Variants in ATP13A5 observed in about 807,000 individuals in gnomAD.
ATP13A5 encodes probable cation-transporting ATPase 13A5.
In ATP13A5, 149 loss-of-function variants were observed where a neutral mutation model predicts 150.2. The observed-to-expected ratio is 0.99, with a 90% CI of 0.87 to 1.14. ATP13A5 has a LOEUF of 1.14. ATP13A5 is among the 50% of genes most tolerant of loss of function. ATP13A5 has a pLI of 0.00. For missense variants in ATP13A5, 1,383 were observed against 1,449.3 expected (o/e 0.95, Z 0.74); for synonymous variants, 497 against 522.2 (o/e 0.95, Z 0.66).
Position 193,275,293 on chromosome 3 carries a change from G to T in ATP13A5, c.3406C>A (p.Leu1136Ile). Residue 1136 changes from leucine to isoleucine, a missense_variant, in exon 30 of 30, where the codon CTT becomes ATT. Leu to Ile is a conservative substitution (Grantham distance 5). Coordinates refer to ENST00000342358, the MANE Select transcript of ATP13A5 (RefSeq NM_198505.4). ...AACAGCCAGAGTTCATGATTTTGAA[G>T]GATGGAATCCTGAAAAATCAGATGG... is the stretch of plus-strand genomic sequence containing the variant. Reference protein sequence around the residue: ...CVAFFVEDSILQNHELWLLIK... With the variant: ...CVAFFVEDSIIQNHELWLLIK... 1 of 1,613,010 alleles carries T rather than the reference G, an allele frequency of 6.2e-7. No individual in the cohort carries two copies.
chr3:193,324,802 C>T (rs750555302), intron 14 of ATP13A5, 62 bp downstream of exon 14: 8 of 1,560,520 alleles, frequency 5.1e-6, no homozygotes, highest in Admixed American at 3.6e-5. Flanking sequence ...ATTAGAAAAG[C>T]TTCAGCACTC....
chr3:193,280,170 C>T (rs1233268980), intron 27 of ATP13A5, among the ~76,000 whole-genome samples: 1 of 152,030 alleles, frequency 6.6e-6, no homozygotes, highest in African/African-American at 2.4e-5. Flanking sequence ...CCTGCTTCAG[C>T]CTCCCAAGTA....
At chr3:193,293,573 C>T (rs1371356725) in intron 25 of ATP13A5, among the ~76,000 whole-genome samples, 1 of 152,038 alleles carries the variant, frequency 6.6e-6, no homozygotes, top group Non-Finnish European at 1.5e-5. Flanking sequence ...GAAGACTTCG[C>T]AGTTTCAAAT....
intron 9 of ATP13A5, 22 bp downstream of exon 9, chr3:193,343,905 A>G (rs1712221211): frequency 6.2e-7 from 1 of 1,607,624 alleles, no homozygotes; most frequent in African/African-American, 1.3e-5. Context: ...AGGGAAGAGG[A>G]AGCTCCATGA....
intron 26 of ATP13A5, 108 bp from the exon 27 acceptor site, chr3:193,285,224 T>C: frequency 2.3e-6 from 2 of 858,568 alleles, no homozygotes; most frequent in Non-Finnish European, 3.6e-6. Context: ...TTTCAAACTA[T>C]GTCAGCCAGT....
At chr3:193,363,434 G>A in intron 2 of ATP13A5, 52 bp from the exon 3 acceptor site, 1 of 1,543,738 alleles carries the variant, frequency 6.5e-7, no homozygotes, top group Non-Finnish European at 8.8e-7. Context: ...TCAGTAAGGT[G>A]CTCAATCAAC....
chr3:193,310,490 G>A, intron 21 of ATP13A5, 148 bp downstream of exon 21: 2 of 610,920 alleles, frequency 3.3e-6, no homozygotes, highest in Non-Finnish European at 5.7e-6. Context: ...CACCAATAGT[G>A]TATAAGTGTT....
At chr3:193,321,597 C>T (rs1719279556) in intron 16 of ATP13A5, 84 bp downstream of exon 16, 3 of 1,497,950 alleles carry the variant, frequency 2.0e-6, no homozygotes, top group Non-Finnish European at 2.7e-6. Flanking sequence ...TGCCACTGCA[C>T]TCCAGCCTTG....
intron 22 of ATP13A5, chr3:193,306,995 C>T (rs1018738435): frequency 3.3e-6 from 2 of 602,792 alleles, no homozygotes; most frequent in African/African-American, 4.0e-5. Context: ...GAAGAAATCA[C>T]CTCCTTGAGA....
At chr3:193,356,407 C>T (rs887815418) in intron 5 of ATP13A5, among the ~76,000 whole-genome samples, 1 of 151,934 alleles carries the variant, frequency 6.6e-6, no homozygotes, top group African/African-American at 2.4e-5. Context: ...GGGTCAGCCT[C>T]ACTCTTCTCA....
intron 28 of ATP13A5, among the ~76,000 whole-genome samples, chr3:193,277,367 G>A (rs1279708134): frequency 6.6e-6 from 1 of 151,996 alleles, no homozygotes; most frequent in Non-Finnish European, 1.5e-5. Context: ...AAAATTTAAG[G>A]GTACACATTA....
intron 26 of ATP13A5, among the ~76,000 whole-genome samples, chr3:193,285,320 G>A (rs1996494): frequency 0.43 from 65,672 of 151,984 alleles, 15,262 homozygotes; most frequent in Non-Finnish European, 0.51. Context: ...CTGGCACTCC[G>A]TTTAGAACAA....
Position 193,351,108 on chromosome 3 carries a change from T to G in ATP13A5, c.700A>C (p.Thr234Pro). The stretch of plus-strand genomic sequence containing the variant: ...ACACTTAAGACAATGGAGATAACAG[T>G]CAAAATGATGATGGCCACAGAGTAT... ...IEYSVAIIIL[T>P]VISIVLSVYD... The change falls in exon 7 of 30, where the codon ACT becomes CCT. Residue 234 changes from threonine to proline, a missense_variant. Transcript: ENST00000342358. 6.2e-7 allele frequency: 1 copy of G among 1,613,692 alleles called. No individual in the cohort carries two copies. The highest frequency in any genetic ancestry group is 8.5e-7 in the Non-Finnish European group (1 of 1,179,726).
intron 1 of ATP13A5, among the ~76,000 whole-genome samples, chr3:193,376,361 A>C (rs1166396840): frequency 6.6e-6 from 1 of 152,030 alleles, no homozygotes; most frequent in Non-Finnish European, 1.5e-5. Context: ...GGGACAAGGG[A>C]GATCTCTAGG....
At chr3:193,290,923 T>C (rs1164746999) in intron 25 of ATP13A5, among the ~76,000 whole-genome samples, 1 of 152,166 alleles carries the variant, frequency 6.6e-6, no homozygotes, top group Non-Finnish European at 1.5e-5. Context: ...CATGTTTCAG[T>C]TCCTGTCTTC....
intron 16 of ATP13A5, among the ~76,000 whole-genome samples, chr3:193,319,781 A>G (rs1346711270): frequency 6.6e-6 from 1 of 152,200 alleles, no homozygotes; most frequent in African/African-American, 2.4e-5. Flanking sequence ...CAAAAAAACA[A>G]AACTAGGATG....
At chr3:193,316,363 T>G (rs531437468) in intron 17 of ATP13A5, among the ~76,000 whole-genome samples, 6 of 152,116 alleles carry the variant, frequency 3.9e-5, no homozygotes, top group African/African-American at 1.4e-4. Context: ...CACCTGGTGA[T>G]CCAATGTTTT....
intron 1 of ATP13A5, among the ~76,000 whole-genome samples, chr3:193,373,036 G>T (rs1351582103): frequency 2.0e-5 from 3 of 152,098 alleles, no homozygotes; most frequent in East Asian, 1.9e-4. Context: ...CCTTTGAGTG[G>T]TTTTTTTGAG....
intron 21 of ATP13A5, among the ~76,000 whole-genome samples, chr3:193,308,406 C>T (rs1718703581): frequency 1.3e-5 from 2 of 152,132 alleles, no homozygotes; most frequent in South Asian, 4.2e-4. Context: ...CTGCGGTGAG[C>T]CGATATTGCA....
Sources: gnomAD v4.1 joint callset for allele counts (sites outside exome capture counted in the v4.1 genomes callset) on GRCh38, gnomAD v4.1.1 for gene constraint, MANE v1.5 for transcripts, NCBI Gene and HGNC (gene_info 2026-07-23, HGNC 2026-07-21) for gene names.